Variants in SPRY3 observed in about 807,000 individuals in gnomAD.
SPRY3 encodes sprouty RTK signaling antagonist 3, also known as protein sprouty homolog 3.
In SPRY3, 15 loss-of-function variants were observed where a neutral mutation model predicts 20.2. The observed-to-expected ratio is 0.74, with a 90% CI of 0.50 to 1.14. The LOEUF (loss-of-function observed/expected upper bound fraction) is 1.14, where lower values mean the gene tolerates loss of function less well. SPRY3 is among the 50% of genes most tolerant of loss of function. The pLI, the probability that SPRY3 is intolerant of heterozygous loss-of-function variation, is 0.00. For missense variants in SPRY3, 364 were observed against 363.9 expected, an observed-to-expected ratio of 1.00 and a Z score of 0.00; for synonymous variants, 143 against 136.5, an observed-to-expected ratio of 1.05 and a Z score of -0.33.
chrX:155,659,428 C>T (rs782322618), intron 2 of SPRY3, among the ~76,000 whole-genome samples: 15 of 110,424 alleles, frequency 1.4e-4, no homozygotes, highest in Admixed American at 5.8e-4. Context: ...TACAGACGTG[C>T]GCCACCACAC....
At chrX:155,635,905 G>A (rs2067921899) in intron 1 of SPRY3, among the ~76,000 whole-genome samples, 1 of 111,936 alleles carries the variant, frequency 8.9e-6, no homozygotes, top group Admixed American at 9.5e-5. Flanking sequence ...GAAGCATCTG[G>A]ACTGACTGAA....
At chrX:155,677,050 G>T (rs2068060572) in intron 2 of SPRY3, among the ~76,000 whole-genome samples, 1 of 111,574 alleles carries the variant, frequency 9.0e-6, no homozygotes, top group Admixed American at 9.5e-5. Context: ...GGCTATTGAA[G>T]ATATTAATTA....
chrX:155,687,708 A>G (rs776649408), intron 2 of SPRY3, among the ~76,000 whole-genome samples: 2 of 112,359 alleles, frequency 1.8e-5, no homozygotes, highest in South Asian at 7.4e-4. Flanking sequence ...CTGTTTGTCT[A>G]TTACTTGAAC....
intron 2 of SPRY3, among the ~76,000 whole-genome samples, chrX:155,703,566 G>C (rs1462999004): frequency 8.9e-6 from 1 of 112,356 alleles, no homozygotes; most frequent in South Asian, 3.4e-4. Flanking sequence ...CAAAAAACCA[G>C]CTCCTGGATT....
At chrX:155,749,429 G>C (rs1300437632) in intron 2 of SPRY3, among the ~76,000 whole-genome samples, 1 of 151,776 alleles carries the variant, frequency 6.6e-6, no homozygotes, top group African/African-American at 2.4e-5. Context: ...GTATTATATA[G>C]ATAGAGTGGG....
intron 2 of SPRY3, among the ~76,000 whole-genome samples, chrX:155,750,172 G>A: frequency 6.6e-6 from 1 of 151,836 alleles, no homozygotes; most frequent in African/African-American, 2.4e-5. Flanking sequence ...GCAAACTAAT[G>A]CAGGAACAGA....
chrX:155,621,325 A>G (rs1277242172), intron 1 of SPRY3, among the ~76,000 whole-genome samples: 1 of 111,971 alleles, frequency 8.9e-6, no homozygotes, highest in Non-Finnish European at 1.9e-5. Context: ...ACAATGAAGT[A>G]TATTCTAGTC....
intron 2 of SPRY3, among the ~76,000 whole-genome samples, chrX:155,760,240 T>G (rs1272677818): frequency 6.6e-6 from 1 of 152,190 alleles, no homozygotes; most frequent in Non-Finnish European, 1.5e-5. Context: ...AAAGACTTTA[T>G]TGTCCCTATT....
At chrX:155,649,820 A>G (rs2067970360) in intron 1 of SPRY3, among the ~76,000 whole-genome samples, 1 of 111,458 alleles carries the variant, frequency 9.0e-6, no homozygotes, top group African/African-American at 3.3e-5. Context: ...GAAGGGAGGA[A>G]GTCAAATTAT....
intron 2 of SPRY3, among the ~76,000 whole-genome samples, chrX:155,702,405 G>C (rs1351507607): frequency 1.8e-4 from 2 of 11,292 alleles, no homozygotes; most frequent in Non-Finnish European, 3.4e-4. Context: ...CCATGATTTG[G>C]CTCTCTGTTT....
chrX:155,631,460 C>G (rs1249798230), intron 1 of SPRY3, among the ~76,000 whole-genome samples: 1 of 112,080 alleles, frequency 8.9e-6, no homozygotes, highest in Non-Finnish European at 1.9e-5. Flanking sequence ...GATATATACC[C>G]AGTAATGGAA....
chrX:155,645,507 C>T (rs910649480), intron 1 of SPRY3, among the ~76,000 whole-genome samples: 6 of 89,560 alleles, frequency 6.7e-5, no homozygotes, highest in Admixed American at 1.3e-4. Flanking sequence ...ATGGGTGATT[C>T]CTTTCTAGCT....
chrX:155,698,871 AGAG>A (rs1369848995), intron 2 of SPRY3, among the ~76,000 whole-genome samples: 1 of 112,016 alleles, frequency 8.9e-6, no homozygotes, highest in Non-Finnish European at 1.9e-5. Flanking sequence ...TCAATGGTGT[AGAG>A]ATTTCCCCAG....
intron 2 of SPRY3, among the ~76,000 whole-genome samples, chrX:155,730,727 T>C (rs1333178799): frequency 6.6e-6 from 1 of 152,110 alleles, no homozygotes; most frequent in Admixed American, 6.6e-5. Context: ...AAATTATCCT[T>C]GTTTGCAGAT....
At chrX:155,700,195 T>C (rs1375883341) in intron 2 of SPRY3, among the ~76,000 whole-genome samples, 4 of 109,963 alleles carry the variant, frequency 3.6e-5, no homozygotes, top group South Asian at 3.9e-4. Context: ...CTTGAAAAGA[T>C]GTCAACATCA....
intron 2 of SPRY3, among the ~76,000 whole-genome samples, chrX:155,695,352 C>G (rs1406074422): frequency 9.0e-6 from 1 of 111,398 alleles, no homozygotes; most frequent in Non-Finnish European, 1.9e-5. Context: ...TGCAGTCACT[C>G]AAATTATTGT....
At chrX:155,694,152 C>T (rs1442504598) in intron 2 of SPRY3, among the ~76,000 whole-genome samples, 1 of 112,085 alleles carries the variant, frequency 8.9e-6, no homozygotes, top group Non-Finnish European at 1.9e-5. Flanking sequence ...GGACCTAGCT[C>T]TACCATTTTA....
chrX:155,719,407 C>T (rs753376236), intron 2 of SPRY3, among the ~76,000 whole-genome samples: 3 of 152,080 alleles, frequency 2.0e-5, no homozygotes, highest in Non-Finnish European at 4.4e-5. Context: ...ACAGCAACCT[C>T]TAGGCGAGTC....
intron 1 of SPRY3, among the ~76,000 whole-genome samples, chrX:155,654,884 T>C (rs1330906147): frequency 9.0e-6 from 1 of 111,632 alleles, no homozygotes; most frequent in Non-Finnish European, 1.9e-5. Flanking sequence ...AGATACTCAA[T>C]AGTGAGATTG....
Sources: gnomAD v4.1 joint callset for allele counts (sites outside exome capture counted in the v4.1 genomes callset) on GRCh38, gnomAD v4.1.1 for gene constraint, MANE v1.5 for transcripts, NCBI Gene and HGNC (gene_info 2026-07-23, HGNC 2026-07-21) for gene names.